The following SEMA3A variants were observed in gnomAD, a reference collection of about 807,000 sequenced individuals.
The protein encoded by SEMA3A is semaphorin-3A.
In SEMA3A, 29 loss-of-function variants were observed where a neutral mutation model predicts 97.9. The observed-to-expected ratio is 0.30, with a 90% CI of 0.22 to 0.40. SEMA3A has a LOEUF of 0.40. Ranked by LOEUF, SEMA3A falls within the 10% of genes least tolerant of loss-of-function variation. The pLI is 1.00. For missense variants in SEMA3A, 763 were observed against 951.3 expected (o/e 0.80, Z 2.60); for synonymous variants, 321 against 323.7 (o/e 0.99, Z 0.09).
At chr7:84,002,873 G>C (rs986546989) in intron 11 of SEMA3A, among the ~76,000 whole-genome samples, 3 of 152,104 alleles carry the variant, frequency 2.0e-5, no homozygotes, top group African/African-American at 7.2e-5. Flanking sequence ...AATGACAAGA[G>C]TTGTCACTCT....
chr7:84,332,031 T>TCCTA (rs1236252168), intron 2 of SEMA3A, among the ~76,000 whole-genome samples: 1 of 152,158 alleles, frequency 6.6e-6, no homozygotes, highest in Admixed American at 6.6e-5. Context: ...TTTCAGCTTA[T>TCCTA]TCACAAAATT....
At chr7:84,184,825 G>A (rs928654368) in intron 1 of SEMA3A, among the ~76,000 whole-genome samples, 1 of 152,164 alleles carries the variant, frequency 6.6e-6, no homozygotes, top group Non-Finnish European at 1.5e-5. Flanking sequence ...CTTAGTGGAA[G>A]GGTGGCAGAA....
At chr7:83,995,076 T>C (rs183606431) in intron 12 of SEMA3A, among the ~76,000 whole-genome samples, 277 of 152,224 alleles carry the variant, frequency 1.8e-3, no homozygotes, top group Middle Eastern at 3.4e-3. Flanking sequence ...GTGACCCGAT[T>C]TTCCAGGTGC....
chr7:84,156,665 A>G (rs1159472700), intron 1 of SEMA3A, among the ~76,000 whole-genome samples: 1 of 152,168 alleles, frequency 6.6e-6, no homozygotes, highest in Non-Finnish European at 1.5e-5. Flanking sequence ...GAAGATACAC[A>G]TGTCAAAAAG....
At chr7:84,413,881 T>C (rs951938752) in intron 1 of SEMA3A, among the ~76,000 whole-genome samples, 6 of 152,148 alleles carry the variant, frequency 3.9e-5, no homozygotes, top group African/African-American at 1.4e-4. Flanking sequence ...GGACATATAA[T>C]CTGCAATTTA....
At chr7:84,426,292 A>G (rs1179236499) in intron 1 of SEMA3A, among the ~76,000 whole-genome samples, 2 of 151,712 alleles carry the variant, frequency 1.3e-5, no homozygotes, top group African/African-American at 4.9e-5. Context: ...AGATAGATAG[A>G]TAGATAGATA....
chr7:84,055,245 C>T lies in SEMA3A; in HGVS notation c.547+5220G>A, dbSNP rs570286161. On this transcript the variant is annotated intron_variant, in intron 5 of 16. Coordinates refer to ENST00000265362, the MANE Select transcript of SEMA3A (RefSeq NM_006080.3). ...GGTGGGCTCCACCCAGTTGGAGCTT[C>T]CAGGCTGCTTTGTTTACCTAATCAA... Among the ~76,000 whole-genome samples the T allele has an allele frequency of 6.0e-3, 910 of 152,324 alleles. 7 individuals are homozygous for T. The highest frequency in any genetic ancestry group is 0.02 in the African/African-American group (840 of 41,564).
chr7:84,476,660 C>A (rs1466515816), intron 1 of SEMA3A, among the ~76,000 whole-genome samples: 1 of 151,924 alleles, frequency 6.6e-6, no homozygotes, highest in East Asian at 1.9e-4. Flanking sequence ...ATCTTGTATT[C>A]CTTAGATGTA....
intron 3 of SEMA3A, among the ~76,000 whole-genome samples, chr7:84,252,099 TTC>T (rs758663294): frequency 9.2e-5 from 14 of 152,312 alleles, no homozygotes; most frequent in Non-Finnish European, 1.9e-4. Flanking sequence ...CAATGGACTC[TTC>T]TGAGTAACTG....
chr7:84,095,358 C>CACACACACATATATAT (rs1211794166), intron 4 of SEMA3A, among the ~76,000 whole-genome samples: 3 of 122,904 alleles, frequency 2.4e-5, no homozygotes, highest in African/African-American at 1.0e-4. Flanking sequence ...TTTTTATATA[C>CACACACACATATATAT]ATATATATAT....
chr7:84,457,953 G>T (rs1805726827), intron 1 of SEMA3A, among the ~76,000 whole-genome samples: 1 of 151,974 alleles, frequency 6.6e-6, no homozygotes, highest in Non-Finnish European at 1.5e-5. Context: ...TAAATGAAAT[G>T]AAGAAAGCCA....
intron 15 of SEMA3A, among the ~76,000 whole-genome samples, chr7:83,976,084 T>G (rs555661509): frequency 6.6e-6 from 1 of 152,234 alleles, no homozygotes; most frequent in East Asian, 1.9e-4. Context: ...CGTCTCCTGG[T>G]AGTAGGATTC....
chr7:84,187,364 G>A (rs915682338), intron 1 of SEMA3A, among the ~76,000 whole-genome samples: 2 of 152,114 alleles, frequency 1.3e-5, no homozygotes, highest in Non-Finnish European at 2.9e-5. Flanking sequence ...TGTATATACT[G>A]TGACCTGATA....
chr7:84,357,226 C>T (rs906363064), intron 2 of SEMA3A, among the ~76,000 whole-genome samples: 3 of 151,650 alleles, frequency 2.0e-5, no homozygotes, highest in Non-Finnish European at 4.4e-5. Flanking sequence ...GTGTGCTGCA[C>T]CCATTAACTT....
chr7:84,422,353 C>T (rs1446189358), intron 1 of SEMA3A, among the ~76,000 whole-genome samples: 2 of 151,816 alleles, frequency 1.3e-5, no homozygotes, highest in Admixed American at 6.6e-5. Flanking sequence ...TCTGTGGGAT[C>T]AGTGGTGATA....
chr7:84,225,015 A>G (rs1798959200), intron 3 of SEMA3A, among the ~76,000 whole-genome samples: 1 of 152,108 alleles, frequency 6.6e-6, no homozygotes, highest in Admixed American at 6.6e-5. Flanking sequence ...TGAGGAAGAA[A>G]TGAATTACAA....
intron 2 of SEMA3A, among the ~76,000 whole-genome samples, chr7:84,352,046 A>AG (rs986628370): frequency 1.3e-5 from 2 of 151,886 alleles, no homozygotes; most frequent in African/African-American, 4.8e-5. Context: ...CATAAGAAAA[A>AG]AAAAAAAAGG....
chr7:84,453,451 T>G (rs560528754), intron 1 of SEMA3A, among the ~76,000 whole-genome samples: 171 of 152,162 alleles, frequency 1.1e-3, no homozygotes, highest in African/African-American at 4.0e-3. Flanking sequence ...TTAGCCAGGA[T>G]GGTCTCGATC....
At chr7:84,435,963 G>C (rs1254755718) in intron 1 of SEMA3A, among the ~76,000 whole-genome samples, 1 of 152,098 alleles carries the variant, frequency 6.6e-6, no homozygotes, top group African/African-American at 2.4e-5. Flanking sequence ...AAACAGCATG[G>C]TACTGGTATA....
Sources: gnomAD v4.1 joint callset for allele counts (sites outside exome capture counted in the v4.1 genomes callset) on GRCh38, gnomAD v4.1.1 for gene constraint, MANE v1.5 for transcripts, NCBI Gene and HGNC (gene_info 2026-07-23, HGNC 2026-07-21) for gene names.